The following TAFA4 variants were observed in gnomAD, a reference collection of about 807,000 sequenced individuals.
TAFA4 encodes chemokine-like protein TAFA-4.
A neutral mutation model predicts 21.1 loss-of-function variants in TAFA4; 20 were observed. The ratio of observed to expected loss-of-function variants is 0.95; its 90% CI spans 0.67 to 1.38. The LOEUF is 1.38. TAFA4 is among the 40% of genes most tolerant of loss of function. The pLI is 0.00. For synonymous variants in TAFA4, 71 were observed against 67.4 expected, an observed-to-expected ratio of 1.05 and a Z score of -0.26; for missense variants, 211 against 180.9, an observed-to-expected ratio of 1.17 and a Z score of -0.95.
In TAFA4 at chr3:68,870,756, C is replaced by G. The variant is rs1247189373; in HGVS notation, c.130+9974G>C. Among the ~76,000 whole-genome samples the G allele has an allele frequency of 2.6e-5, 4 of 151,950 alleles. No homozygotes were observed. In the South Asian group the frequency reaches 8.3e-4, roughly 32 times the overall value. On this transcript the variant is annotated intron_variant, in intron 3 of 5. Coordinates refer to ENST00000295569, the MANE Select transcript of TAFA4 (RefSeq NM_182522.5). ...TCCCCTTGCTCCCCACCCGACAGGC[C>G]CTGATGTGTGATGTTTCCCTTCCTG... is the stretch of plus-strand genomic sequence containing the variant.
chr3:68,930,994 T>C (rs1161387979), intron 1 of TAFA4, among the ~76,000 whole-genome samples: 1 of 152,156 alleles, frequency 6.6e-6, no homozygotes, highest in African/African-American at 2.4e-5. Flanking sequence ...TCAGCGAGTG[T>C]TCTAGAGGGG....
chr3:68,841,302 GAC>G (rs1293093127), intron 3 of TAFA4, among the ~76,000 whole-genome samples: 3 of 67,236 alleles, frequency 4.5e-5, no homozygotes, highest in African/African-American at 1.5e-4. Flanking sequence ...CAGCCTGGGC[GAC>G]AGAGCGAGAC....
intron 5 of TAFA4, among the ~76,000 whole-genome samples, chr3:68,737,795 C>T (rs893662908): frequency 5.3e-5 from 8 of 152,194 alleles, no homozygotes; most frequent in African/African-American, 1.2e-4. Flanking sequence ...ATAAAGGGGA[C>T]GACATAAGAA....
At chr3:68,759,649 GAACAT>G (rs1702725403) in intron 3 of TAFA4, among the ~76,000 whole-genome samples, 1 of 152,110 alleles carries the variant, frequency 6.6e-6, no homozygotes, top group Non-Finnish European at 1.5e-5. Context: ...TAAATATTGA[GAACAT>G]AACATGAGGC....
At position 68,799,381 on chromosome 3, in the gene TAFA4, C is replaced by T. The variant is rs543707664; in HGVS notation, c.131-46363G>A. Reference sequence around the variant, plus strand: ...CTGCAGTCCCTTTCATAAGGGTACTCATCCCACTGATGAGGCCCCTGCCCT... The same window carrying T: ...CTGCAGTCCCTTTCATAAGGGTACTTATCCCACTGATGAGGCCCCTGCCCT... On this transcript the variant is annotated intron_variant, in intron 3 of 5. Transcript: ENST00000295569. 1.4e-3 allele frequency among the ~76,000 whole-genome samples: 210 copies of T among 152,250 alleles called. 1 individual carries two copies. The highest frequency in any genetic ancestry group is 3.4e-3 in the Middle Eastern group (1 of 294).
chr3:68,875,989 A>G (rs1189765490), intron 3 of TAFA4, among the ~76,000 whole-genome samples: 1 of 152,184 alleles, frequency 6.6e-6, no homozygotes, highest in African/African-American at 2.4e-5. Flanking sequence ...ATAAAGAGAG[A>G]TAAAACAATG....
At chr3:68,879,964 A>C (rs1277914243) in intron 3 of TAFA4, among the ~76,000 whole-genome samples, 6 of 152,198 alleles carry the variant, frequency 3.9e-5, no homozygotes, top group Non-Finnish European at 7.3e-5. Flanking sequence ...CAACAAGTCC[A>C]TTGACACATA....
rs187591828 is a variant in TAFA4 at position 68,908,174 on chromosome 3, A to C, written c.-122-22864T>G. ...TAGGTAGACTAAATAACGCTCTAAA[A>C]GTACTGATTAACCATATCTACATCA... On this transcript the variant is annotated intron_variant, in intron 1 of 5. Coordinates refer to ENST00000295569, the MANE Select transcript of TAFA4 (RefSeq NM_182522.5). Among the ~76,000 whole-genome samples the C allele has an allele frequency of 9.8e-3, 1,490 of 152,338 alleles. 13 individuals are homozygous for C. The highest frequency in any genetic ancestry group is 0.016 in the Non-Finnish European group (1,091 of 68,034).
At chr3:68,845,603 C>T (rs1202079743) in intron 3 of TAFA4, among the ~76,000 whole-genome samples, 1 of 152,160 alleles carries the variant, frequency 6.6e-6, no homozygotes, top group African/African-American at 2.4e-5. Context: ...GATGCAGTTT[C>T]TTCATAGTGT....
intron 5 of TAFA4, among the ~76,000 whole-genome samples, chr3:68,736,065 A>AAAAT (rs1187712341): frequency 6.6e-6 from 1 of 152,130 alleles, no homozygotes; most frequent in Non-Finnish European, 1.5e-5. Context: ...AGAGGATTCA[A>AAAAT]AAATAAGAAC....
At chr3:68,917,473 G>C (rs9844873) in intron 1 of TAFA4, among the ~76,000 whole-genome samples, 4,265 of 151,800 alleles carry the variant, frequency 0.028, 204 homozygotes, top group African/African-American at 0.097. Flanking sequence ...TCCCAGGAAC[G>C]ACCGGGCATG....
At chr3:68,783,717 G>GAA (rs1415943430) in intron 3 of TAFA4, among the ~76,000 whole-genome samples, 862 of 68,190 alleles carry the variant, frequency 0.013, 1 homozygote, top group Middle Eastern at 0.017. Flanking sequence ...GAAAGAAAAA[G>GAA]AAAGAAAGAA....
At chr3:68,847,010 G>C (rs1463841369) in intron 3 of TAFA4, among the ~76,000 whole-genome samples, 2 of 152,188 alleles carry the variant, frequency 1.3e-5, no homozygotes, top group African/African-American at 2.4e-5. Flanking sequence ...ACCCAGTTGA[G>C]GAGGCAGTCT....
chr3:68,765,426 T>A (rs546784636), intron 3 of TAFA4, among the ~76,000 whole-genome samples: 2 of 152,332 alleles, frequency 1.3e-5, no homozygotes, highest in Admixed American at 6.5e-5. Context: ...CATTTTTTTT[T>A]ATCATAACCT....
intron 3 of TAFA4, among the ~76,000 whole-genome samples, chr3:68,863,169 G>A (rs1007249403): frequency 3.9e-5 from 6 of 151,930 alleles, no homozygotes; most frequent in African/African-American, 1.5e-4. Flanking sequence ...TTGAGCCCGG[G>A]AAGGTGGGGG....
intron 1 of TAFA4, among the ~76,000 whole-genome samples, chr3:68,893,072 T>C (rs1467771283): frequency 1.3e-5 from 2 of 152,114 alleles, no homozygotes; most frequent in Non-Finnish European, 2.9e-5. Context: ...CTGCAGAGGG[T>C]TTATTTCTTT....
At chr3:68,753,198 G>A (rs6801847) in intron 3 of TAFA4, among the ~76,000 whole-genome samples, 180 bp from the exon 4 acceptor site, 9,661 of 152,134 alleles carry the variant, frequency 0.064, 717 homozygotes, top group East Asian at 0.26. Flanking sequence ...TGAGAAGAGT[G>A]CAAAAAGCTT....
intron 3 of TAFA4, among the ~76,000 whole-genome samples, chr3:68,777,944 C>G (rs923701764): frequency 2.0e-5 from 3 of 152,072 alleles, no homozygotes; most frequent in African/African-American, 7.2e-5. Context: ...GTTTATGTAA[C>G]TATATGATAT....
chr3:68,897,487 A>T (rs967767938), intron 1 of TAFA4, among the ~76,000 whole-genome samples: 2 of 151,794 alleles, frequency 1.3e-5, no homozygotes, highest in African/African-American at 2.4e-5. Flanking sequence ...TTAGCCGGGC[A>T]TGGTGGTACA....
Sources: gnomAD v4.1 joint callset for allele counts (sites outside exome capture counted in the v4.1 genomes callset) on GRCh38, gnomAD v4.1.1 for gene constraint, MANE v1.5 for transcripts, NCBI Gene and HGNC (gene_info 2026-07-23, HGNC 2026-07-21) for gene names.